SESN3: variants seen among roughly 807,000 people sequenced by gnomAD.
The protein encoded by SESN3 is sestrin-3.
Under a neutral mutation model 55.3 loss-of-function variants are expected in SESN3, and 21 were observed. That is an observed-to-expected ratio of 0.38 (90% CI 0.27 to 0.55). SESN3 has a LOEUF of 0.55. Ranked by LOEUF, SESN3 falls within the 20% of genes least tolerant of loss-of-function variation. The probability of loss-of-function intolerance (pLI) is 0.76; values close to 1 mark genes in which losing one functional copy is unlikely to be tolerated. For missense variants in SESN3, 408 were observed against 604.3 expected (o/e 0.68, Z 3.41); for synonymous variants, 181 against 203.1 (o/e 0.89, Z 0.93).
chr11:95,212,675 T>C (rs1249311615), intron 1 of SESN3, among the ~76,000 whole-genome samples: 1 of 152,178 alleles, frequency 6.6e-6, no homozygotes, highest in Non-Finnish European at 1.5e-5. Context: ...CACATCAGAT[T>C]CCTAAAGAGA....
chr11:95,185,150 T>G lies in SESN3; in HGVS notation c.762+106A>C. The G allele has an allele frequency of 7.9e-6, 5 of 636,752 alleles. No homozygotes were observed. The South Asian group carries it at 1.1e-4, about 14-fold the overall frequency. The allele number at this position is 636,752 out of a possible 1,614,324, so 39.4% of individuals were successfully genotyped here. ...TAATAAAAATTATGCAAAAATATTT[T>G]AAGTATATAATATCCTATCTAATTG... is the stretch of plus-strand genomic sequence containing the variant. On this transcript the variant is annotated intron_variant, in intron 5 of 9. Coordinates refer to ENST00000536441, the MANE Select transcript of SESN3 (RefSeq NM_144665.4).
intron 1 of SESN3, among the ~76,000 whole-genome samples, chr11:95,227,672 G>A (rs1041325363): frequency 6.6e-5 from 10 of 152,100 alleles, no homozygotes; most frequent in African/African-American, 2.4e-4. Context: ...CCTCTAAAGA[G>A]CACAAAACTA....
At chr11:95,197,370 T>C (rs1324338909) in intron 1 of SESN3, among the ~76,000 whole-genome samples, 1 of 152,072 alleles carries the variant, frequency 6.6e-6, no homozygotes, top group East Asian at 1.9e-4. Flanking sequence ...AATCCCCTGC[T>C]TTCTTACCTC....
In SESN3 at chr11:95,202,924, ATG is replaced by A. The variant is rs1278197598; in HGVS notation, c.79-9404_79-9403del. ...TTAGAAAGCTTTACCTATTAAAATA[ATG>A]TCTCAATTAGATGAAAAGAAACTAA... On this transcript the variant is annotated intron_variant, in intron 1 of 9. Coordinates refer to ENST00000536441, the MANE Select transcript of SESN3 (RefSeq NM_144665.4). Among the ~76,000 whole-genome samples, 30 of 152,162 alleles carry A rather than the reference ATG, an allele frequency of 2.0e-4. 1 individual carries two copies. Among genetic ancestry groups the A allele is most frequent in the Admixed American group, 2.0e-3 (30 of 15,254 alleles).
chr11:95,221,389 T>G (rs1780909901), intron 1 of SESN3, among the ~76,000 whole-genome samples: 2 of 152,326 alleles, frequency 1.3e-5, no homozygotes, highest in South Asian at 2.1e-4. Flanking sequence ...GTAAATGTGA[T>G]CTTTCTAATA....
chr11:95,172,693 A>G lies in SESN3; in HGVS notation c.*562T>C, dbSNP rs1182716787. ...AAATGAACAAACAAACAAATAAAAA[A>G]CAGTGCCTGACAAATAATCTCCTGG... On this transcript the variant is annotated 3_prime_UTR_variant, in exon 10 of 10. Coordinates refer to ENST00000536441, the MANE Select transcript of SESN3 (RefSeq NM_144665.4). The G allele has an allele frequency of 6.6e-6, 1 of 152,226 alleles. No homozygotes were observed. Among genetic ancestry groups the G allele is most frequent in the Non-Finnish European group, 1.5e-5 (1 of 68,054 alleles). The allele number at this position is 152,226 out of a possible 1,614,324, so 9.4% of individuals were successfully genotyped here.
chr11:95,198,909 A>G (rs1447654052), intron 1 of SESN3, among the ~76,000 whole-genome samples: 2 of 139,332 alleles, frequency 1.4e-5, no homozygotes, highest in African/African-American at 2.5e-5. Context: ...AGGAATAAAC[A>G]TAGCATAATA....
Position 95,175,617 on chromosome 11 carries a change from C to G in SESN3, c.1273G>C (p.Val425Leu). The change falls in exon 9 of 10, where the codon GTT becomes CTT. Residue 425 changes from valine (V) to leucine (L), a missense_variant. Physicochemically the swap from Val to Leu is conservative, Grantham distance 32. Coordinates refer to ENST00000536441, the MANE Select transcript of SESN3 (RefSeq NM_144665.4). ...IRYDDYDYGE[V>L]NQLLERSLKV... ...AGGCTTCTTTCAAGTAATTGATTAA[C>G]TTCTCCATAATCATAGTCATCATAC... The G allele has an allele frequency of 6.2e-7, 1 of 1,612,434 alleles. No individual in the cohort carries two copies. The highest frequency in any genetic ancestry group is 1.1e-5 in the South Asian group (1 of 91,036).
intron 6 of SESN3, among the ~76,000 whole-genome samples, chr11:95,182,959 C>T (rs1308053220): frequency 7.2e-5 from 11 of 152,204 alleles, no homozygotes; most frequent in Non-Finnish European, 1.3e-4. Context: ...GAGCCAAGGG[C>T]TGCAGGCATT....
chr11:95,175,654 A>G lies in SESN3; in HGVS notation c.1248-12T>C. On this transcript the variant is annotated splice_polypyrimidine_tract_variant and intron_variant, in intron 8 of 9. Coordinates refer to ENST00000536441, the MANE Select transcript of SESN3 (RefSeq NM_144665.4). The stretch of plus-strand genomic sequence containing the variant: ...CATAGTCATCATACCTACGAGCAAT[A>G]CAACAATAGCTTTATAATGACAAAA... 2 of 1,603,654 alleles carry G rather than the reference A, an allele frequency of 1.2e-6. No individual in the cohort carries two copies. The highest frequency in any genetic ancestry group is 1.7e-4 in the Middle Eastern group (1 of 6,016).
At position 95,173,156 on chromosome 11, in the gene SESN3, A is replaced by T; in HGVS notation, c.*99T>A. Reference sequence around the variant, plus strand: ...ACAAACGGCTAAACTTTGACACTAGAGAACTGAATAATTTTTGATGCTATA... The same window carrying T: ...ACAAACGGCTAAACTTTGACACTAGTGAACTGAATAATTTTTGATGCTATA... On this transcript the variant is annotated 3_prime_UTR_variant, in exon 10 of 10. Transcript: ENST00000536441. 1 of 658,968 alleles carries T rather than the reference A, an allele frequency of 1.5e-6. No homozygotes were observed. Among genetic ancestry groups the T allele is most frequent in the Non-Finnish European group, 2.6e-6 (1 of 381,230 alleles). 40.8% of individuals were successfully genotyped at this position (658,968 alleles called of 1,614,324 possible).
chr11:95,193,020 T>C (rs1860296304), intron 2 of SESN3, among the ~76,000 whole-genome samples: 1 of 152,130 alleles, frequency 6.6e-6, no homozygotes, highest in Non-Finnish European at 1.5e-5. Context: ...AGTCTTTATA[T>C]GTAGTAGGCA....
intron 1 of SESN3, among the ~76,000 whole-genome samples, chr11:95,203,486 G>A (rs1565470719): frequency 1.3e-5 from 2 of 152,112 alleles, no homozygotes; most frequent in East Asian, 3.9e-4. Flanking sequence ...AACTTCAGTT[G>A]TAATAAAACT....
chr11:95,215,327 C>A (rs964129971), intron 1 of SESN3, among the ~76,000 whole-genome samples: 1 of 152,056 alleles, frequency 6.6e-6, no homozygotes, highest in Non-Finnish European at 1.5e-5. Flanking sequence ...TAGAACCACA[C>A]TGCAGAACCA....
chr11:95,195,347 G>A (rs1371803537), intron 1 of SESN3, among the ~76,000 whole-genome samples: 1 of 152,124 alleles, frequency 6.6e-6, no homozygotes, highest in Non-Finnish European at 1.5e-5. Context: ...GAAAGGTACT[G>A]CATTTAAATG....
At chr11:95,212,164 A>G (rs1591071304) in intron 1 of SESN3, among the ~76,000 whole-genome samples, 1 of 151,878 alleles carries the variant, frequency 6.6e-6, no homozygotes, top group South Asian at 2.1e-4. Flanking sequence ...AAGAACAAGT[A>G]TTTAATATTT....
chr11:95,228,120 C>G (rs567304341), intron 1 of SESN3, among the ~76,000 whole-genome samples: 1 of 152,176 alleles, frequency 6.6e-6, no homozygotes, highest in African/African-American at 2.4e-5. Context: ...AAATCAAAAC[C>G]GTAAACGGAC....
chr11:95,229,664 T>C (rs988622248), intron 1 of SESN3, among the ~76,000 whole-genome samples: 2 of 152,178 alleles, frequency 1.3e-5, no homozygotes, highest in African/African-American at 2.4e-5. Context: ...TGTGCTTTTT[T>C]CTTTCTTCCT....
chr11:95,210,982 T>C lies in SESN3; in HGVS notation c.79-17460A>G, dbSNP rs190237147. On this transcript the variant is annotated intron_variant, in intron 1 of 9. Coordinates refer to ENST00000536441, the MANE Select transcript of SESN3 (RefSeq NM_144665.4). ...CTAGTTTACAATTACACTTGCATTA[T>C]GTGAAAAATTCAGAGAAAAAGATAC... Among the ~76,000 whole-genome samples, 900 of 152,298 alleles carry C rather than the reference T, an allele frequency of 5.9e-3. 10 individuals carry two copies. Among genetic ancestry groups the C allele is most frequent in the African/African-American group, 0.021 (862 of 41,570 alleles).
Sources: allele counts gnomAD v4.1 joint callset (sites outside exome capture counted in the v4.1 genomes callset), GRCh38; gene constraint gnomAD v4.1.1; transcripts MANE v1.5; gene names NCBI Gene and HGNC (gene_info 2026-07-23, HGNC 2026-07-21).